Variants in ZMAT3 observed in about 807,000 individuals in gnomAD.
ZMAT3 encodes zinc finger matrin-type 3, also known as zinc finger matrin-type protein 3.
ZMAT3 carries 17 observed loss-of-function variants against 32.3 expected under a neutral mutation model. The ratio of observed to expected loss-of-function variants is 0.53; its 90% CI spans 0.36 to 0.79. ZMAT3 has a LOEUF of 0.79. Among genes scored for constraint, ZMAT3 ranks in the 30% least tolerant of loss-of-function variants. ZMAT3 has a pLI of 0.00. For synonymous variants in ZMAT3, 120 were observed against 133.1 expected (o/e 0.90, Z 0.68); for missense variants, 329 against 359.7 (o/e 0.91, Z 0.69).
At chr3:179,053,791 C>A (rs563336950) in intron 2 of ZMAT3, among the ~76,000 whole-genome samples, 3 of 152,132 alleles carry the variant, frequency 2.0e-5, no homozygotes, top group Admixed American at 6.5e-5. Context: ...ACAAAACAAC[C>A]CTTCAAAAAT....
At chr3:179,041,831 C>T (rs542817625) in intron 2 of ZMAT3, among the ~76,000 whole-genome samples, 5 of 151,750 alleles carry the variant, frequency 3.3e-5, no homozygotes, top group African/African-American at 1.2e-4. Flanking sequence ...ATTGAGAGAC[C>T]ACTAGCAAGA....
intron 2 of ZMAT3, among the ~76,000 whole-genome samples, chr3:179,052,389 A>C (rs1020457179): frequency 1.4e-4 from 22 of 152,252 alleles, no homozygotes; most frequent in Non-Finnish European, 2.8e-4. Context: ...AAACATATGA[A>C]AAAAATGCTC....
At chr3:179,033,775 G>A (rs1326174974) in intron 2 of ZMAT3, among the ~76,000 whole-genome samples, 1 of 152,146 alleles carries the variant, frequency 6.6e-6, no homozygotes, top group Non-Finnish European at 1.5e-5. Flanking sequence ...TTCATTTGCT[G>A]CTCACAAAAA....
At chr3:179,040,446 G>T (rs1018227777) in intron 2 of ZMAT3, among the ~76,000 whole-genome samples, 1 of 152,284 alleles carries the variant, frequency 6.6e-6, no homozygotes, top group Non-Finnish European at 1.5e-5. Context: ...TTAAAGAAAA[G>T]AATTTTCAAC....
chr3:179,055,993 G>A (rs1285589499), intron 2 of ZMAT3, among the ~76,000 whole-genome samples: 3 of 152,102 alleles, frequency 2.0e-5, no homozygotes, highest in Admixed American at 6.6e-5. Flanking sequence ...GCTAACTTGC[G>A]TGCTAGAAGG....
At position 179,017,459 on chromosome 3, in the gene ZMAT3, T is replaced by C. The variant is rs1189478848; in HGVS notation, c.*7558A>G. 3.3e-5 allele frequency: 5 copies of C among 152,174 alleles called. No homozygotes were observed. Among genetic ancestry groups the C allele is most frequent in the African/African-American group, 1.2e-4 (5 of 41,440 alleles). The allele number at this position is 152,174 out of a possible 1,614,324, so 9.4% of individuals were successfully genotyped here. On this transcript the variant is annotated 3_prime_UTR_variant, in exon 6 of 6. Transcript: ENST00000311417. ...ACAATTCACAGTTGATTGGTTTTAA[T>C]CCCATGACACGTTTGTCATTCTGCA...
At chr3:179,028,577 G>A (rs1392306578) in intron 3 of ZMAT3, among the ~76,000 whole-genome samples, 1 of 152,234 alleles carries the variant, frequency 6.6e-6, no homozygotes, top group African/African-American at 2.4e-5. Context: ...GAAAGGCTTA[G>A]GCTGCCTGCC....
At position 179,026,471 on chromosome 3, in the gene ZMAT3, C is replaced by T. The variant is rs889293709; in HGVS notation, c.658+952G>A. Among the ~76,000 whole-genome samples, 3 of 147,070 alleles carry T rather than the reference C, an allele frequency of 2.0e-5. No individual in the cohort carries two copies. The South Asian group carries it at 6.5e-4, about 32-fold the overall frequency. ...GTGTAATCTCAGCTCACTGTAGCCT[C>T]CACCTCCCAGGTTCAAGCGATTCTC... On this transcript the variant is annotated intron_variant, in intron 5 of 5. Transcript: ENST00000311417.
chr3:179,067,159 G>A (rs1278244547), intron 2 of ZMAT3, among the ~76,000 whole-genome samples: 1 of 152,178 alleles, frequency 6.6e-6, no homozygotes, highest in African/African-American at 2.4e-5. Context: ...CACCCAGGCT[G>A]GTAAATAGTG....
At position 179,067,727 on chromosome 3, in the gene ZMAT3, A is replaced by G. The variant is rs1215633125; in HGVS notation, c.26T>C (p.Leu9Pro). MILLQHAV[L>P]PPPKQPSPSP... Reference sequence around the variant, plus strand: ...GGGTGAGGGCTGCTTAGGTGGAGGAAGCACGGCGTGTTGCAAGAGGATCAT... The same window carrying G: ...GGGTGAGGGCTGCTTAGGTGGAGGAGGCACGGCGTGTTGCAAGAGGATCAT... The change falls in exon 2 of 6, where the codon CTT (leucine) becomes CCT (proline). Residue 9 changes from leucine to proline, a missense_variant. Physicochemically the swap from Leu to Pro is moderately conservative, Grantham distance 98. Transcript: ENST00000311417. The G allele has an allele frequency of 6.2e-7, 1 of 1,614,046 alleles. No individual in the cohort carries two copies. The highest frequency in any genetic ancestry group is 1.3e-5 in the African/African-American group (1 of 74,930).
At chr3:179,035,203 T>G (rs1719515077) in intron 2 of ZMAT3, among the ~76,000 whole-genome samples, 1 of 152,164 alleles carries the variant, frequency 6.6e-6, no homozygotes, top group Non-Finnish European at 1.5e-5. Context: ...CTACATGTTC[T>G]GGCCCCATCT....
At chr3:179,050,196 T>C (rs992507335) in intron 2 of ZMAT3, among the ~76,000 whole-genome samples, 1 of 151,850 alleles carries the variant, frequency 6.6e-6, no homozygotes, top group Non-Finnish European at 1.5e-5. Context: ...GGTTGGTTTT[T>C]TGACAAGATA....
intron 2 of ZMAT3, among the ~76,000 whole-genome samples, chr3:179,036,925 C>T (rs1038626292): frequency 2.6e-5 from 4 of 152,018 alleles, no homozygotes; most frequent in East Asian, 1.9e-4. Flanking sequence ...TTTTCCAAGC[C>T]GACCCGTGAA....
chr3:179,038,493 A>C (rs1719727983), intron 2 of ZMAT3, among the ~76,000 whole-genome samples: 1 of 152,208 alleles, frequency 6.6e-6, no homozygotes. Flanking sequence ...TGGAAGGATC[A>C]GTTAAACCCA....
At chr3:179,071,162 A>T (rs1369708140) in intron 1 of ZMAT3, among the ~76,000 whole-genome samples, 1 of 152,218 alleles carries the variant, frequency 6.6e-6, no homozygotes, top group Non-Finnish European at 1.5e-5. Flanking sequence ...ACTGGGGAAG[A>T]GGCCTTGGTG....
intron 2 of ZMAT3, among the ~76,000 whole-genome samples, chr3:179,060,859 C>CA (rs1428005366): frequency 2.6e-5 from 4 of 151,474 alleles, no homozygotes; most frequent in African/African-American, 4.9e-5. Flanking sequence ...AACAGGTCAC[C>CA]AAAAAAAGAA....
intron 1 of ZMAT3, among the ~76,000 whole-genome samples, chr3:179,068,269 G>A (rs946953276): frequency 6.6e-6 from 1 of 152,180 alleles, no homozygotes; most frequent in Non-Finnish European, 1.5e-5. Flanking sequence ...CATTTTGGGA[G>A]GCCAAGGTGG....
intron 2 of ZMAT3, among the ~76,000 whole-genome samples, chr3:179,038,603 C>A (rs1284389089): frequency 6.6e-6 from 1 of 152,096 alleles, no homozygotes; most frequent in African/African-American, 2.4e-5. Context: ...TACAAGATGG[C>A]CAAATAGGAA....
chr3:179,067,392 G>T, intron 2 of ZMAT3, 91 bp downstream of exon 2: 1 of 1,345,276 alleles, frequency 7.4e-7, no homozygotes, highest in Non-Finnish European at 1.0e-6. Flanking sequence ...GGTATTCCAG[G>T]CACAGTCATA....
Sources: allele counts gnomAD v4.1 joint callset (sites outside exome capture counted in the v4.1 genomes callset), GRCh38; gene constraint gnomAD v4.1.1; transcripts MANE v1.5; gene names NCBI Gene and HGNC (gene_info 2026-07-23, HGNC 2026-07-21).